The following RDH10 variants were observed in gnomAD, a reference collection of about 807,000 sequenced individuals.
RDH10 encodes the protein retinol dehydrogenase 10, also known as retinol dehydrogenase 10 (all-trans).
In RDH10, 12 loss-of-function variants were observed where a neutral mutation model predicts 30.2. That is an observed-to-expected ratio of 0.40 (90% CI 0.25 to 0.64). The LOEUF is 0.64. Among genes scored for constraint, RDH10 ranks in the 30% least tolerant of loss-of-function variants. RDH10 has a pLI of 0.43. For missense variants in RDH10, 268 were observed against 445.2 expected, an observed-to-expected ratio of 0.60 and a Z score of 3.58; for synonymous variants, 189 against 172.2, an observed-to-expected ratio of 1.10 and a Z score of -0.76.
chr8:73,315,691 C>CA, intron 2 of RDH10: 1 of 414,784 alleles, frequency 2.4e-6, no homozygotes, highest in Admixed American at 2.5e-5. Flanking sequence ...CAGAGCCAGC[C>CA]GCTGGCTGGA....
intron 2 of RDH10, among the ~76,000 whole-genome samples, chr8:73,303,856 C>T (rs1395205414): frequency 1.3e-5 from 2 of 152,176 alleles, no homozygotes; most frequent in Non-Finnish European, 2.9e-5. Flanking sequence ...TAAAATATCA[C>T]TTTACATAGC....
chr8:73,321,683 C>T (rs1445241356), intron 4 of RDH10: 1 of 400,642 alleles, frequency 2.5e-6, no homozygotes, highest in African/African-American at 2.1e-5. Flanking sequence ...GACTTGAGCT[C>T]AGCAGAATAA....
In RDH10 at chr8:73,297,305, A is replaced by G. The variant is rs1814284929; in HGVS notation, c.401A>G (p.Lys134Arg). ...NVYLTAERVR[K>R]EVGEVSVLVN... ...TACCTGACGGCTGAAAGAGTCCGCA[A>G]GGAGGTTGGCGAAGTCTCAGTCCTG... is the stretch of plus-strand genomic sequence containing the variant. Residue 134 changes from lysine (K) to arginine (R), a missense_variant, in exon 2 of 6, where the codon AAG becomes AGG. By Grantham distance (26) the Lys-to-Arg change is conservative. Around this residue, in one of 4 missense-constraint regions of RDH10, gnomAD observed 136 missense variants for 288.8 expected, o/e 0.47. Transcript: ENST00000240285. 1 of 1,614,126 alleles carries G rather than the reference A, an allele frequency of 6.2e-7. No homozygotes were observed. Among genetic ancestry groups the G allele is most frequent in the Non-Finnish European group, 8.5e-7 (1 of 1,179,954 alleles).
intron 2 of RDH10, among the ~76,000 whole-genome samples, chr8:73,307,242 T>G (rs1252287308): frequency 6.6e-6 from 1 of 152,080 alleles, no homozygotes; most frequent in Non-Finnish European, 1.5e-5. Context: ...ATCTAGGACT[T>G]GGGATGAAAG....
intron 2 of RDH10, among the ~76,000 whole-genome samples, chr8:73,307,760 A>G (rs962915173): frequency 1.3e-5 from 2 of 152,212 alleles, no homozygotes; most frequent in African/African-American, 4.8e-5. Context: ...AGATTTTCCT[A>G]TGAGTCACTT....
chr8:73,305,909 A>G (rs1814457044), intron 2 of RDH10, among the ~76,000 whole-genome samples: 1 of 152,212 alleles, frequency 6.6e-6, no homozygotes, highest in Non-Finnish European at 1.5e-5. Flanking sequence ...CAGAGATCAG[A>G]TTAAAATATG....
Position 73,324,563 on chromosome 8 carries a change from C to G in RDH10, c.*1527C>G, listed in dbSNP as rs1319325286. The G allele has an allele frequency of 6.6e-6, 1 of 152,166 alleles. No individual in the cohort carries two copies. The highest frequency in any genetic ancestry group is 1.9e-4 in the East Asian group (1 of 5,186). 9.4% of individuals were successfully genotyped at this position (152,166 alleles called of 1,614,324 possible). On this transcript the variant is annotated 3_prime_UTR_variant, in exon 6 of 6. Coordinates refer to ENST00000240285, the MANE Select transcript of RDH10 (RefSeq NM_172037.5). ...TGATTAAATTTAAAGAATTAACTTACATGCAATTGTGTGATTATTAGTTAT... is the reference window on the plus strand; with the variant it reads ...TGATTAAATTTAAAGAATTAACTTAGATGCAATTGTGTGATTATTAGTTAT...
At chr8:73,304,550 G>A (rs1014326396) in intron 2 of RDH10, among the ~76,000 whole-genome samples, 7 of 152,154 alleles carry the variant, frequency 4.6e-5, no homozygotes, top group African/African-American at 1.4e-4. Context: ...AGGCTCATTA[G>A]CATGGCATCC....
At chr8:73,295,861 C>A in intron 1 of RDH10, 2 of 1,234,002 alleles carry the variant, frequency 1.6e-6, no homozygotes, top group Non-Finnish European at 2.0e-6. Context: ...GTAGGGAAGG[C>A]GGAGGGAACT....
chr8:73,298,681 C>T lies in RDH10; in HGVS notation c.525+1252C>T, dbSNP rs931771735. Among the ~76,000 whole-genome samples, 6 of 152,108 alleles carry T rather than the reference C, an allele frequency of 3.9e-5. 1 individual carries two copies. The highest frequency in any genetic ancestry group is 1.4e-4 in the African/African-American group (6 of 41,402). ...TAGCTGGGACTACAGGCACATGCTGCCACACCTGGCTAATTTTTTGTATTT... is the reference window on the plus strand; with the variant it reads ...TAGCTGGGACTACAGGCACATGCTGTCACACCTGGCTAATTTTTTGTATTT... On this transcript the variant is annotated intron_variant, in intron 2 of 5. Coordinates refer to ENST00000240285, the MANE Select transcript of RDH10 (RefSeq NM_172037.5).
rs766279920 is a variant in RDH10, at chr8:73,323,584, T to C, written c.*548T>C. On this transcript the variant is annotated 3_prime_UTR_variant, in exon 6 of 6. Coordinates refer to ENST00000240285, the MANE Select transcript of RDH10 (RefSeq NM_172037.5). ...AATCTCCATCAACTGAAGTAAATGATGTCTGAGTGTTACAGTAAAGGTGAC... is the reference window on the plus strand; with the variant it reads ...AATCTCCATCAACTGAAGTAAATGACGTCTGAGTGTTACAGTAAAGGTGAC... 4 of 153,412 alleles carry C rather than the reference T, an allele frequency of 2.6e-5. No individual in the cohort carries two copies. Among genetic ancestry groups the C allele is most frequent in the Non-Finnish European group, 2.9e-5 (2 of 68,848 alleles). The allele number at this position is 153,412 out of a possible 1,614,324, so 9.5% of individuals were successfully genotyped here. A position where few individuals can be genotyped will look rare whatever the true frequency, so the allele number is the denominator to read the frequency against.
At chr8:73,306,565 A>G (rs1814465977) in intron 2 of RDH10, among the ~76,000 whole-genome samples, 1 of 152,250 alleles carries the variant, frequency 6.6e-6, no homozygotes, top group African/African-American at 2.4e-5. Context: ...TTAACAAGTA[A>G]GGGCAATTAC....
At position 73,294,791 on chromosome 8, in the gene RDH10, T is replaced by C; in HGVS notation, c.-499T>C. On this transcript the variant is annotated 5_prime_UTR_variant, in exon 1 of 6. Coordinates refer to ENST00000240285, the MANE Select transcript of RDH10 (RefSeq NM_172037.5). Reference sequence around the variant, plus strand: ...CGCTCCGCCGCCCCGCACCCCACTCTCCCACCCTCTCGCAACTTGGGTCGA... The same window carrying C: ...CGCTCCGCCGCCCCGCACCCCACTCCCCCACCCTCTCGCAACTTGGGTCGA... 1 of 365,076 alleles carries C rather than the reference T, an allele frequency of 2.7e-6. No homozygotes were observed. Among genetic ancestry groups the C allele is most frequent in the East Asian group, 3.9e-5 (1 of 25,482 alleles). The allele number at this position is 365,076 out of a possible 1,614,324, so 22.6% of individuals were successfully genotyped here. A position where few individuals can be genotyped will look rare whatever the true frequency, so the allele number is the denominator to read the frequency against.
intron 2 of RDH10, among the ~76,000 whole-genome samples, chr8:73,309,029 G>A (rs1269602762): frequency 6.6e-6 from 1 of 152,136 alleles, no homozygotes; most frequent in East Asian, 1.9e-4. Flanking sequence ...AGTTTGAAGA[G>A]GAACTACTCT....
intron 2 of RDH10, among the ~76,000 whole-genome samples, chr8:73,307,158 A>G (rs1346419940): frequency 3.9e-5 from 6 of 152,108 alleles, no homozygotes; most frequent in African/African-American, 1.2e-4. Context: ...TTTTTTGCCT[A>G]TAGTAAAATG....
At chr8:73,317,474 G>T (rs1179278004) in intron 2 of RDH10, among the ~76,000 whole-genome samples, 2 of 146,436 alleles carry the variant, frequency 1.4e-5, no homozygotes, top group Non-Finnish European at 1.5e-5. Context: ...CAGGGTGTGA[G>T]TTGGGAGTGG....
In RDH10 at chr8:73,295,272, G is replaced by C. The variant is rs1294033228; in HGVS notation, c.-18G>C. 6.5e-7 allele frequency: 1 copy of C among 1,546,010 alleles called. No individual in the cohort carries two copies. The highest frequency in any genetic ancestry group is 1.2e-5 in the South Asian group (1 of 83,982). On this transcript the variant is annotated 5_prime_UTR_variant, in exon 1 of 6. Coordinates refer to ENST00000240285, the MANE Select transcript of RDH10 (RefSeq NM_172037.5). ...GCGGACGCAGGCACTGGGCTCGTGC[G>C]GGGCCCCGGGCGTCGCGATGAACAT...
chr8:73,312,868 T>G (rs1407720335), intron 2 of RDH10: 1 of 152,222 alleles, frequency 6.6e-6, no homozygotes, highest in East Asian at 1.9e-4. Context: ...AAATAAGAGA[T>G]AAACATTTCA....
In RDH10 at chr8:73,295,021, CG is replaced by C. The variant is rs1814230505; in HGVS notation, c.-267del. 2.8e-6 allele frequency: 1 copy of C among 362,970 alleles called. No individual in the cohort carries two copies. The highest frequency in any genetic ancestry group is 2.1e-5 in the African/African-American group (1 of 47,016). 22.5% of individuals were successfully genotyped at this position (362,970 alleles called of 1,614,324 possible). A position where few individuals can be genotyped will look rare whatever the true frequency, so the allele number is the denominator to read the frequency against. On this transcript the variant is annotated 5_prime_UTR_variant, in exon 1 of 6. Coordinates refer to ENST00000240285, the MANE Select transcript of RDH10 (RefSeq NM_172037.5). Reference sequence around the variant, plus strand: ...GGCCGGGCGCTGCGGGACGGGCGGGCGGCTGCCGGCAGGAGGCGCCGAGCCG... The same window carrying C: ...GGCCGGGCGCTGCGGGACGGGCGGGCGCTGCCGGCAGGAGGCGCCGAGCCG...
Sources: gnomAD v4.1 joint callset for allele counts (sites outside exome capture counted in the v4.1 genomes callset) on GRCh38, gnomAD v4.1.1 for gene constraint, gnomAD v4.1.1 regional missense constraint, MANE v1.5 for transcripts, NCBI Gene and HGNC (gene_info 2026-07-23, HGNC 2026-07-21) for gene names.